Variants in ITGA8 observed in about 807,000 individuals in gnomAD.
ITGA8 encodes integrin subunit alpha 8.
Under a neutral mutation model 142.3 loss-of-function variants are expected in ITGA8, and 91 were observed. The ratio of observed to expected loss-of-function variants is 0.64; its 90% confidence interval spans 0.54 to 0.76. The LOEUF (loss-of-function observed/expected upper bound fraction) is 0.76, where lower values mean the gene tolerates loss of function less well. Among genes scored for constraint, ITGA8 ranks in the 30% least tolerant of loss-of-function variants. ITGA8 has a pLI of 0.00. For missense variants in ITGA8, 1,406 were observed against 1,327.7 expected (o/e 1.06, Z -0.92); for synonymous variants, 505 against 485.2 (o/e 1.04, Z -0.54).
intron 29 of ITGA8, 104 bp from the exon 30 acceptor site, chr10:15,517,348 A>T: frequency 1.5e-6 from 1 of 660,178 alleles, no homozygotes; most frequent in Admixed American, 3.0e-5. Context: ...TTTTAAACTG[A>T]GTCTCGCTCT....
At chr10:15,624,215 C>T (rs549239036) in intron 13 of ITGA8, among the ~76,000 whole-genome samples, 3 of 152,318 alleles carry the variant, frequency 2.0e-5, no homozygotes, top group South Asian at 2.1e-4. Flanking sequence ...CCTTTGAAGA[C>T]TTCTTTGAAA....
intron 27 of ITGA8, among the ~76,000 whole-genome samples, chr10:15,537,234 C>T (rs1337240136): frequency 6.6e-6 from 1 of 152,152 alleles, no homozygotes; most frequent in Non-Finnish European, 1.5e-5. Flanking sequence ...TTCCCTCTTC[C>T]TGGTTTGTAT....
chr10:15,644,443 T>TATAC (rs1833932142), intron 12 of ITGA8, among the ~76,000 whole-genome samples: 1 of 314 alleles, frequency 3.2e-3, no homozygotes, highest in East Asian at 0.17. Context: ...AATATATATA[T>TATAC]ATATATATAT....
chr10:15,672,862 T>C (rs1481531979), intron 6 of ITGA8, 113 bp from the exon 7 acceptor site: 3 of 1,208,516 alleles, frequency 2.5e-6, no homozygotes, highest in East Asian at 2.8e-5. Context: ...TTTTTGATGA[T>C]GAATTTTCCC....
At chr10:15,520,110 T>C (rs982159844) in intron 28 of ITGA8, among the ~76,000 whole-genome samples, 1 of 152,172 alleles carries the variant, frequency 6.6e-6, no homozygotes, top group Non-Finnish European at 1.5e-5. Flanking sequence ...GAGATGACTT[T>C]AATCCTAAAT....
intron 28 of ITGA8, among the ~76,000 whole-genome samples, chr10:15,523,134 G>C (rs1420750520): frequency 2.0e-5 from 3 of 152,170 alleles, no homozygotes; most frequent in Non-Finnish European, 4.4e-5. Flanking sequence ...TGAAATAGAG[G>C]CTCTTCAAAT....
In ITGA8 at chr10:15,516,989, G is replaced by A. The variant is rs980456452; in HGVS notation, c.*169C>T. The A allele has an allele frequency of 1.4e-5, 7 of 489,234 alleles. No individual in the cohort carries two copies. The highest frequency in any genetic ancestry group is 2.5e-5 in the Non-Finnish European group (7 of 277,192). 30.3% of individuals were successfully genotyped at this position (489,234 alleles called of 1,614,324 possible). ...TCCAACAGGGCTCACTGGGCACCCA[G>A]GACAATTTCTCCAAAGTGCGGTGTA... On this transcript the variant is annotated 3_prime_UTR_variant, in exon 30 of 30. Transcript: ENST00000378076.
intron 27 of ITGA8, among the ~76,000 whole-genome samples, chr10:15,548,122 C>T (rs1353460126): frequency 1.4e-5 from 2 of 146,412 alleles, no homozygotes; most frequent in Non-Finnish European, 3.0e-5. Context: ...GGCAGTGTCT[C>T]ACTCTGTCAC....
At chr10:15,657,924 A>T (rs902560334) in intron 10 of ITGA8, among the ~76,000 whole-genome samples, 2 of 152,214 alleles carry the variant, frequency 1.3e-5, no homozygotes, top group Non-Finnish European at 2.9e-5. Flanking sequence ...ACTGAAATAG[A>T]GATGCAATAG....
Position 15,616,499 on chromosome 10 carries a change from C to T in ITGA8, c.1445+15G>A. 1 of 1,591,780 alleles carries T rather than the reference C, an allele frequency of 6.3e-7. No individual in the cohort carries two copies. The highest frequency in any genetic ancestry group is 8.6e-7 in the Non-Finnish European group (1 of 1,161,002). Reference sequence around the variant, plus strand: ...AAACAATGAGAAAAACATTTGAATACTACCAACCACATACCTGTAAACAGC... The same window carrying T: ...AAACAATGAGAAAAACATTTGAATATTACCAACCACATACCTGTAAACAGC... On this transcript the variant is annotated intron_variant, in intron 14 of 29. Transcript: ENST00000378076.
chr10:15,656,401 T>C (rs1028106441), intron 10 of ITGA8, among the ~76,000 whole-genome samples: 1 of 152,122 alleles, frequency 6.6e-6, no homozygotes, highest in Non-Finnish European at 1.5e-5. Context: ...TCTCGCTCTG[T>C]TGCCCAGGCT....
intron 11 of ITGA8, among the ~76,000 whole-genome samples, chr10:15,650,929 A>G (rs886636898): frequency 2.6e-5 from 4 of 152,212 alleles, no homozygotes; most frequent in Admixed American, 2.0e-4. Context: ...GTTTTCTACT[A>G]ATTGAATCAT....
intron 11 of ITGA8, among the ~76,000 whole-genome samples, chr10:15,649,668 A>C (rs2131658182): frequency 6.6e-6 from 1 of 152,260 alleles, no homozygotes; most frequent in East Asian, 1.9e-4. Flanking sequence ...CTCATCAAAA[A>C]AGATAGATGG....
intron 2 of ITGA8, among the ~76,000 whole-genome samples, chr10:15,707,122 C>T (rs369985981): frequency 1.2e-4 from 19 of 152,194 alleles, no homozygotes; most frequent in Middle Eastern, 3.4e-3. Context: ...AAAATAATAC[C>T]GCTCAAGAGG....
chr10:15,629,357 G>T (rs1209530336), intron 13 of ITGA8, among the ~76,000 whole-genome samples: 2 of 151,946 alleles, frequency 1.3e-5, no homozygotes, highest in Non-Finnish European at 2.9e-5. Context: ...AATGTAAATT[G>T]ATAGCATATC....
intron 2 of ITGA8, among the ~76,000 whole-genome samples, chr10:15,698,621 G>T (rs1217816273): frequency 6.6e-6 from 1 of 152,058 alleles, no homozygotes; most frequent in African/African-American, 2.4e-5. Context: ...GAGTGAGGTG[G>T]TATCACATCG....
chr10:15,608,142 G>T (rs1833229325), intron 16 of ITGA8, 93 bp downstream of exon 16: 8 of 881,398 alleles, frequency 9.1e-6, no homozygotes, highest in African/African-American at 3.4e-5. Context: ...TTCCTCAAGG[G>T]TTCTTTCATT....
intron 7 of ITGA8, 83 bp downstream of exon 7, chr10:15,672,541 A>G (rs1472064600): frequency 1.3e-5 from 19 of 1,455,668 alleles, no homozygotes; most frequent in Non-Finnish European, 1.7e-5. Context: ...ATAACATCGG[A>G]TAAGTCAGGG....
intron 25 of ITGA8, among the ~76,000 whole-genome samples, chr10:15,566,811 T>TA: frequency 1.1e-5 from 1 of 87,056 alleles, no homozygotes; most frequent in Non-Finnish European, 2.3e-5. Context: ...GACCTTGTCT[T>TA]AAAAAAAGAA....
Sources: allele counts gnomAD v4.1 joint callset (sites outside exome capture counted in the v4.1 genomes callset), GRCh38; gene constraint gnomAD v4.1.1; transcripts MANE v1.5; gene names NCBI Gene and HGNC (gene_info 2026-07-23, HGNC 2026-07-21).